The following BRD4 variants were observed in gnomAD, a reference collection of about 807,000 sequenced individuals.
BRD4 encodes the protein bromodomain-containing protein 4.
BRD4 carries 16 observed loss-of-function variants against 142.1 expected under a neutral mutation model. That is an observed-to-expected ratio of 0.11 (90% CI 0.08 to 0.17). The LOEUF is 0.17. BRD4 is among the 10% of genes least tolerant of loss of function. The pLI is 1.00. For missense variants in BRD4, 1,424 were observed against 1,810.9 expected, an observed-to-expected ratio of 0.79 and a Z score of 3.88; for synonymous variants, 833 against 707.5, an observed-to-expected ratio of 1.18 and a Z score of -2.82.
rs1306643347 is a variant in BRD4, at chr19:15,262,543, G to GA, written c.1341+876dup. Among the ~76,000 whole-genome samples, 270 of 118,610 alleles carry GA rather than the reference G, an allele frequency of 2.3e-3. 1 individual carries two copies. Among genetic ancestry groups the GA allele is most frequent in the South Asian group, 0.012 (43 of 3,728 alleles). 77.8% of individuals were successfully genotyped at this position (118,610 alleles called of 152,430 possible). On this transcript the variant is annotated intron_variant, in intron 7 of 19. Transcript: ENST00000679869. The stretch of plus-strand genomic sequence containing the variant: ...TCTCTTTAAAAAAAAAAAAAAAAAA[G>GA]AAAAAAAAAAAGAAAATAAACGAGG...
rs1415656082 is a variant in BRD4, at chr19:15,242,769, C to T, written c.3169+131G>A. On this transcript the variant is annotated intron_variant, in intron 14 of 19. Coordinates refer to ENST00000679869, the MANE Select transcript of BRD4 (RefSeq NM_001379291.1). ...GAAGCACCAATGACCCTTCCAGGTC[C>T]CCCTCCAAGCTGAGGCTCAGCTCTG... 8 of 1,392,026 alleles carry T rather than the reference C, an allele frequency of 5.7e-6. No individual in the cohort carries two copies. In the Admixed American group the frequency reaches 1.2e-4, roughly 20 times the overall value. 86.2% of individuals were successfully genotyped at this position (1,392,026 alleles called of 1,614,324 possible).
intron 1 of BRD4, among the ~76,000 whole-genome samples, chr19:15,322,023 T>A (rs57941063): frequency 6.6e-6 from 1 of 151,698 alleles, no homozygotes; most frequent in African/African-American, 2.4e-5. Context: ...GGCACATACA[T>A]ACACACACAC....
chr19:15,308,843 G>A (rs190263126), intron 1 of BRD4, among the ~76,000 whole-genome samples: 11 of 150,554 alleles, frequency 7.3e-5, no homozygotes, highest in South Asian at 6.3e-4. Flanking sequence ...GTGAAACCCC[G>A]TCTCTACTAA....
intron 11 of BRD4, chr19:15,253,536 G>C: frequency 1.9e-6 from 3 of 1,539,060 alleles, no homozygotes; most frequent in Non-Finnish European, 2.6e-6. Flanking sequence ...AAGTCCAGGT[G>C]CGTGTGGAGT....
At chr19:15,293,214 G>C (rs1039188388) in intron 1 of BRD4, among the ~76,000 whole-genome samples, 6 of 152,170 alleles carry the variant, frequency 3.9e-5, no homozygotes, top group African/African-American at 1.2e-4. Flanking sequence ...AAACAAGCCT[G>C]AAACCATACA....
At chr19:15,266,898 C>T (rs2047540188) in intron 4 of BRD4, among the ~76,000 whole-genome samples, 1 of 152,170 alleles carries the variant, frequency 6.6e-6, no homozygotes, top group South Asian at 2.1e-4. Context: ...CCCCTGGAAC[C>T]CTGTGTCAGT....
Position 15,265,663 on chromosome 19 carries a change from G to C in BRD4, c.560-20C>G. The C allele has an allele frequency of 6.2e-7, 1 of 1,613,818 alleles. No homozygotes were observed. The highest frequency in any genetic ancestry group is 8.5e-7 in the Non-Finnish European group (1 of 1,179,822). On this transcript the variant is annotated intron_variant, in intron 4 of 19. Coordinates refer to ENST00000679869, the MANE Select transcript of BRD4 (RefSeq NM_001379291.1). ...CTGTCCCTACAAATCATAATAAGAC[G>C]GCGAGTTAGAGACCATGCTGACATC...
At chr19:15,283,672 C>T (rs190656122) in intron 1 of BRD4, among the ~76,000 whole-genome samples, 1 of 152,316 alleles carries the variant, frequency 6.6e-6, no homozygotes, top group East Asian at 1.9e-4. Flanking sequence ...GAAACAGATC[C>T]ACGAGTGGGA....
intron 1 of BRD4, among the ~76,000 whole-genome samples, chr19:15,302,066 T>G (rs551220654): frequency 1.3e-5 from 2 of 150,056 alleles, no homozygotes; most frequent in African/African-American, 4.9e-5. Flanking sequence ...ACTTGAGAGG[T>G]TGAGACTCCA....
chr19:15,302,761 T>C (rs1192786249), intron 1 of BRD4, among the ~76,000 whole-genome samples: 2 of 150,662 alleles, frequency 1.3e-5, no homozygotes, highest in African/African-American at 4.9e-5. Context: ...ATCTCAGCAC[T>C]TTGGGAGGCC....
At chr19:15,243,534 C>T (rs2145512677) in intron 13 of BRD4, 47 bp from the exon 14 acceptor site, 4 of 1,493,926 alleles carry the variant, frequency 2.7e-6, no homozygotes, top group Non-Finnish European at 2.7e-6. Flanking sequence ...CACCTGTGGC[C>T]CCAGCCTGGC....
intron 1 of BRD4, among the ~76,000 whole-genome samples, chr19:15,329,935 A>C (rs1004405708): frequency 1.3e-5 from 2 of 152,212 alleles, no homozygotes; most frequent in Non-Finnish European, 2.9e-5. Flanking sequence ...TCCTTTAAAC[A>C]ATTCAATAAT....
chr19:15,300,754 C>A (rs2047860573), intron 1 of BRD4, among the ~76,000 whole-genome samples: 1 of 152,120 alleles, frequency 6.6e-6, no homozygotes, highest in Non-Finnish European at 1.5e-5. Context: ...GAATCCACTG[C>A]TTCCCACCCC....
intron 1 of BRD4, among the ~76,000 whole-genome samples, chr19:15,281,246 T>G (rs955956493): frequency 6.6e-6 from 1 of 151,088 alleles, no homozygotes; most frequent in African/African-American, 2.4e-5. Flanking sequence ...ACCAGCCAAG[T>G]GGTGGGGCCC....
chr19:15,303,744 A>G (rs761188951), intron 1 of BRD4, among the ~76,000 whole-genome samples: 1 of 152,176 alleles, frequency 6.6e-6, no homozygotes, highest in Admixed American at 6.5e-5. Context: ...TACAGAACCT[A>G]TCTGCCAACT....
At chr19:15,274,053 T>A (rs897904372) in intron 1 of BRD4, among the ~76,000 whole-genome samples, 1 of 152,212 alleles carries the variant, frequency 6.6e-6, no homozygotes. Context: ...GAGAATTTGC[T>A]ACATAAAGCA....
intron 2 of BRD4, among the ~76,000 whole-genome samples, chr19:15,270,849 C>T (rs957109570): frequency 6.6e-6 from 1 of 152,182 alleles, no homozygotes; most frequent in Non-Finnish European, 1.5e-5. Flanking sequence ...CCTGAGACCA[C>T]TCTCACTCAG....
chr19:15,323,370 C>T (rs1211675603), intron 1 of BRD4, among the ~76,000 whole-genome samples: 1 of 152,030 alleles, frequency 6.6e-6, no homozygotes, highest in African/African-American at 2.4e-5. Context: ...CCAGTATGGC[C>T]CAGACTGGCA....
At position 15,239,547 on chromosome 19, in the gene BRD4, C is replaced by T. The variant is rs1207240322; in HGVS notation, c.3446-25G>A. On this transcript the variant is annotated intron_variant, in intron 16 of 19. Coordinates refer to ENST00000679869, the MANE Select transcript of BRD4 (RefSeq NM_001379291.1). The surrounding 1 kb of genome is among the most constrained non-coding windows in gnomAD (Gnocchi z 7.4). ...CCTGGAACATAAACAGCCGGTGGGC[C>T]CTGGCCCACCTCACCCCAGTGGGGC... The T allele has an allele frequency of 9.4e-6, 15 of 1,596,050 alleles. No individual in the cohort carries two copies. The highest frequency in any genetic ancestry group is 2.2e-5 in the East Asian group (1 of 44,774).
Sources: allele counts gnomAD v4.1 joint callset (sites outside exome capture counted in the v4.1 genomes callset), GRCh38; gene constraint gnomAD v4.1.1; non-coding constraint Gnocchi (gnomAD v3.1); transcripts MANE v1.5; gene names NCBI Gene and HGNC (gene_info 2026-07-23, HGNC 2026-07-21).